LARGE1: variants seen among roughly 807,000 people sequenced by gnomAD.
The protein encoded by LARGE1 is LARGE xylosyl- and glucuronyltransferase 1.
Under a neutral mutation model 87.6 loss-of-function variants are expected in LARGE1, and 43 were observed. That is an observed-to-expected ratio of 0.49 (90% CI 0.38 to 0.63). The LOEUF is 0.63. LARGE1 is among the 30% of genes least tolerant of loss of function. The pLI is 0.00. For missense variants in LARGE1, 802 were observed against 1,000.2 expected, an observed-to-expected ratio of 0.80 and a Z score of 2.67; for synonymous variants, 434 against 394.6, an observed-to-expected ratio of 1.10 and a Z score of -1.18.
At chr22:33,361,175 A>T (rs950940668) in intron 9 of LARGE1, among the ~76,000 whole-genome samples, 1 of 148,954 alleles carries the variant, frequency 6.7e-6, no homozygotes, top group Non-Finnish European at 1.5e-5. Context: ...GCGCCATTGC[A>T]CTCCAGCCTG....
chr22:33,470,332 A>G (rs1012791726), intron 6 of LARGE1, among the ~76,000 whole-genome samples: 12 of 152,210 alleles, frequency 7.9e-5, no homozygotes, highest in Non-Finnish European at 5.9e-5. Flanking sequence ...ATTGAACTCT[A>G]AAAAGGCAGA....
intron 5 of LARGE1, among the ~76,000 whole-genome samples, chr22:33,568,638 T>G (rs1490696921): frequency 6.6e-6 from 1 of 151,640 alleles, no homozygotes; most frequent in African/African-American, 2.4e-5. Context: ...TGGTGGTGCA[T>G]GTCTGTAATC....
rs1240850938 is a variant in LARGE1, at chr22:33,689,943, GA to G, written c.107-39276del. Among the ~76,000 whole-genome samples the G allele has an allele frequency of 2.6e-5, 4 of 151,764 alleles. No individual in the cohort carries two copies. The East Asian group carries it at 7.7e-4, about 29-fold the overall frequency. On this transcript the variant is annotated intron_variant, in intron 2 of 14. Transcript: ENST00000397394. Reference sequence around the variant, plus strand: ...CTCTGTCTCAAAAAAAAAAAGGAGGGAAAAATGATATGAATAACTAATCTTG... The same window carrying G: ...CTCTGTCTCAAAAAAAAAAAGGAGGGAAAATGATATGAATAACTAATCTTG...
the LARGE1 span, among the ~76,000 whole-genome samples, chr22:33,068,878 A>T: frequency 1.3e-5 from 2 of 152,128 alleles, no homozygotes; most frequent in Non-Finnish European, 2.9e-5. Context: ...GGCCTCCAAG[A>T]TGGAAAAGGG....
intron 11 of LARGE1, among the ~76,000 whole-genome samples, chr22:33,189,267 T>G (rs1043965684): frequency 6.6e-6 from 1 of 152,214 alleles, no homozygotes; most frequent in Non-Finnish European, 1.5e-5. Flanking sequence ...ATGCTGGCTT[T>G]GTCGTCCCAG....
At chr22:33,262,093 T>G (rs766642867) in intron 11 of LARGE1, among the ~76,000 whole-genome samples, 26 of 152,324 alleles carry the variant, frequency 1.7e-4, no homozygotes, top group Non-Finnish European at 3.2e-4. Context: ...GCGCCTTTGA[T>G]CTCCACGAAA....
At chr22:33,814,240 C>T (rs968206517) in intron 1 of LARGE1, among the ~76,000 whole-genome samples, 4 of 152,250 alleles carry the variant, frequency 2.6e-5, no homozygotes, top group South Asian at 2.1e-4. Flanking sequence ...AACCTGACCT[C>T]GCCCCTGAAA....
chr22:33,075,335 G>A, the LARGE1 span, among the ~76,000 whole-genome samples: 1 of 152,170 alleles, frequency 6.6e-6, no homozygotes, highest in Non-Finnish European at 1.5e-5. Flanking sequence ...TAGTGACAAA[G>A]AAAATCCTGT....
upstream of LARGE1, among the ~76,000 whole-genome samples, chr22:33,922,118 G>C (rs1411453487): frequency 6.6e-6 from 1 of 152,072 alleles, no homozygotes; most frequent in Non-Finnish European, 1.5e-5. Context: ...TTCCCTCTGC[G>C]CGCCTCTCCG....
At chr22:33,685,482 A>G (rs957322859) in intron 2 of LARGE1, among the ~76,000 whole-genome samples, 1 of 152,198 alleles carries the variant, frequency 6.6e-6, no homozygotes, top group African/African-American at 2.4e-5. Context: ...GCATTTCCCA[A>G]AGCAGATACA....
chr22:33,890,411 A>AT (rs1197477085), intron 1 of LARGE1, among the ~76,000 whole-genome samples: 2 of 152,060 alleles, frequency 1.3e-5, no homozygotes, highest in African/African-American at 2.4e-5. Context: ...TTTTCTTCAT[A>AT]TTTTTTTCAA....
chr22:33,379,698 C>T (rs2065098348), intron 9 of LARGE1, among the ~76,000 whole-genome samples: 2 of 152,104 alleles, frequency 1.3e-5, no homozygotes, highest in South Asian at 4.1e-4. Context: ...CAAACAATTG[C>T]AAGGATAGAA....
At chr22:33,671,561 C>T (rs906447224) in intron 2 of LARGE1, among the ~76,000 whole-genome samples, 1 of 152,168 alleles carries the variant, frequency 6.6e-6, no homozygotes, top group Non-Finnish European at 1.5e-5. Context: ...AAAGCTTATG[C>T]TAGATAGAGC....
At chr22:33,504,557 T>C (rs1268232477) in intron 6 of LARGE1, among the ~76,000 whole-genome samples, 4 of 152,172 alleles carry the variant, frequency 2.6e-5, no homozygotes, top group Non-Finnish European at 5.9e-5. Context: ...ATTGGAAATA[T>C]ATCTTTTTTA....
At chr22:33,154,263 C>T in the LARGE1 span, among the ~76,000 whole-genome samples, 13 of 151,798 alleles carry the variant, frequency 8.6e-5, no homozygotes, top group East Asian at 2.5e-3. Context: ...GTTTTTGAGA[C>T]AGAGTCTCAC....
the LARGE1 span, among the ~76,000 whole-genome samples, chr22:33,121,095 T>C: frequency 5.9e-3 from 900 of 152,086 alleles, 11 homozygotes; most frequent in African/African-American, 0.021. Context: ...TGTTAGCCAT[T>C]GATGTCCTTT....
intron 1 of LARGE1, among the ~76,000 whole-genome samples, chr22:33,869,411 A>G (rs180882666): frequency 1.6e-4 from 24 of 152,310 alleles, no homozygotes; most frequent in Admixed American, 1.3e-3. Flanking sequence ...GGAAAAAAAA[A>G]GTATTCTCCA....
intron 7 of LARGE1, among the ~76,000 whole-genome samples, chr22:33,421,549 G>GC (rs1474279006): frequency 3.9e-5 from 6 of 152,162 alleles, no homozygotes; most frequent in Non-Finnish European, 5.9e-5. Flanking sequence ...CATACTGCAG[G>GC]CCCTCCGTCT....
Position 33,405,865 on chromosome 22 carries a change from G to A in LARGE1, c.893-21561C>T, listed in dbSNP as rs116541140. On this transcript the variant is annotated intron_variant, in intron 7 of 14. Transcript: ENST00000397394. ...TCCTTCCTTACGCTCTGTGAAGATC[G>A]ATAGTCCCTGTTTACTAATCTGTGG... 2.7e-3 allele frequency among the ~76,000 whole-genome samples: 418 copies of A among 152,162 alleles called. 2 individuals carry two copies. Among genetic ancestry groups the A allele is most frequent in the African/African-American group, 9.4e-3 (389 of 41,486 alleles).
Sources: gnomAD v4.1 joint callset for allele counts (sites outside exome capture counted in the v4.1 genomes callset) on GRCh38, gnomAD v4.1.1 for gene constraint, MANE v1.5 for transcripts, NCBI Gene and HGNC (gene_info 2026-07-23, HGNC 2026-07-21) for gene names.